Variants in GPHN observed in about 807,000 individuals in gnomAD.
The protein encoded by GPHN is gephyrin.
In GPHN, 17 loss-of-function variants were observed where a neutral mutation model predicts 95.5. That is an observed-to-expected ratio of 0.18 (90% CI 0.12 to 0.27). The LOEUF (loss-of-function observed/expected upper bound fraction) is 0.27. GPHN is among the 10% of genes least tolerant of loss of function. GPHN has a pLI of 1.00. For missense variants in GPHN, 660 were observed against 978.1 expected, an observed-to-expected ratio of 0.67 and a Z score of 4.34; for synonymous variants, 320 against 322.5, an observed-to-expected ratio of 0.99 and a Z score of 0.08.
intron 1 of GPHN, among the ~76,000 whole-genome samples, chr14:66,515,536 A>G (rs2058206162): frequency 5.9e-5 from 9 of 152,182 alleles, no homozygotes; most frequent in Admixed American, 5.2e-4. Context: ...ATGAAATTTG[A>G]TATCTAAAAA....
intron 5 of GPHN, among the ~76,000 whole-genome samples, chr14:66,908,874 A>T (rs2065526117): frequency 6.6e-6 from 1 of 151,760 alleles, no homozygotes; most frequent in Non-Finnish European, 1.5e-5. Context: ...ACCAGCACTT[A>T]CCAAAGCTAT....
chr14:66,571,686 C>T (rs1331720270), intron 1 of GPHN, among the ~76,000 whole-genome samples: 1 of 152,072 alleles, frequency 6.6e-6, no homozygotes, highest in Non-Finnish European at 1.5e-5. Flanking sequence ...TGGCAGGCAC[C>T]TCTAATTTCA....
At chr14:67,223,972 G>A in the GPHN span, 11 of 984,668 alleles carry the variant, frequency 1.1e-5, no homozygotes, top group Admixed American at 6.2e-5. Context: ...TATTATAGGC[G>A]GAAATCAGAA....
At chr14:67,065,470 T>G (rs2076008578) in intron 11 of GPHN, among the ~76,000 whole-genome samples, 1 of 152,216 alleles carries the variant, frequency 6.6e-6, no homozygotes, top group Non-Finnish European at 1.5e-5. Flanking sequence ...AGAGCTGAGT[T>G]TGAGTCCTGG....
chr14:67,595,880 G>A, the GPHN span, among the ~76,000 whole-genome samples: 2 of 152,126 alleles, frequency 1.3e-5, no homozygotes, highest in African/African-American at 2.4e-5. Flanking sequence ...CGTGAACTCT[G>A]GAGCCCTCCT....
the GPHN span, among the ~76,000 whole-genome samples, chr14:67,438,860 C>CAA: frequency 2.7e-3 from 148 of 55,042 alleles, no homozygotes; most frequent in Non-Finnish European, 4.3e-3. Flanking sequence ...GACTCCGTCT[C>CAA]AAAAAAAAAA....
chr14:66,809,467 A>G (rs928767714), intron 3 of GPHN, among the ~76,000 whole-genome samples: 1 of 152,198 alleles, frequency 6.6e-6, no homozygotes, highest in African/African-American at 2.4e-5. Flanking sequence ...GTGTGATATG[A>G]TTCAAATAGA....
the GPHN span, among the ~76,000 whole-genome samples, chr14:67,327,750 T>G: frequency 6.6e-6 from 1 of 152,198 alleles, no homozygotes; most frequent in African/African-American, 2.4e-5. Flanking sequence ...TTTGGTTTTC[T>G]GTCCTTGTGA....
chr14:67,629,930 C>T, the GPHN span, among the ~76,000 whole-genome samples: 1 of 152,098 alleles, frequency 6.6e-6, no homozygotes, highest in East Asian at 1.9e-4. Flanking sequence ...ATTTGTAAGA[C>T]AAAAATATAA....
the GPHN span, among the ~76,000 whole-genome samples, chr14:67,534,224 A>G: frequency 6.6e-6 from 1 of 152,144 alleles, no homozygotes; most frequent in Non-Finnish European, 1.5e-5. Flanking sequence ...GAACATCGGT[A>G]TTAGTGTTTC....
chr14:67,208,571 T>A, the GPHN span: 1 of 1,052,920 alleles, frequency 9.5e-7, no homozygotes, highest in Non-Finnish European at 1.3e-6. Context: ...AGATGTAGTG[T>A]AACTGAATGA....
intron 4 of GPHN, among the ~76,000 whole-genome samples, chr14:66,827,441 C>T (rs187900141): frequency 5.5e-4 from 84 of 152,206 alleles, no homozygotes; most frequent in African/African-American, 1.9e-3. Flanking sequence ...TATCTTATAC[C>T]TTAATAGACT....
chr14:67,392,264 A>G, the GPHN span: 1 of 1,115,968 alleles, frequency 9.0e-7, no homozygotes, highest in East Asian at 2.3e-5. Context: ...TTCTGGGCTC[A>G]CTGCTCCCTC....
chr14:67,502,286 G>A, the GPHN span, among the ~76,000 whole-genome samples: 4 of 151,536 alleles, frequency 2.6e-5, no homozygotes, highest in African/African-American at 7.3e-5. Flanking sequence ...AGCCGAGATC[G>A]TGCCATTGTA....
chr14:66,906,225 C>A (rs535796149), intron 5 of GPHN, among the ~76,000 whole-genome samples: 35 of 152,308 alleles, frequency 2.3e-4, no homozygotes, highest in African/African-American at 7.5e-4. Context: ...GATTTAGCAT[C>A]TCCTTTGGCT....
At chr14:67,079,805 A>G (rs2076620984) in intron 11 of GPHN, among the ~76,000 whole-genome samples, 1 of 151,990 alleles carries the variant, frequency 6.6e-6, no homozygotes, top group South Asian at 2.1e-4. Flanking sequence ...TTTTTCTATT[A>G]ATTTGACTAC....
At chr14:67,401,962 C>T in the GPHN span, among the ~76,000 whole-genome samples, 2 of 152,108 alleles carry the variant, frequency 1.3e-5, no homozygotes, top group Non-Finnish European at 2.9e-5. Flanking sequence ...GAAACCCTGT[C>T]TCTGCTAAAA....
the GPHN span, among the ~76,000 whole-genome samples, chr14:67,274,215 G>T: frequency 3.9e-5 from 6 of 152,242 alleles, no homozygotes; most frequent in South Asian, 1.2e-3. Context: ...TGTCCTGAAT[G>T]GTATTGCCTA....
chr14:66,926,033 A>T lies in GPHN; in HGVS notation c.828+1741A>T, dbSNP rs145903951. 5.9e-5 allele frequency among the ~76,000 whole-genome samples: 9 copies of T among 152,278 alleles called. No homozygotes were observed. The South Asian group carries it at 1.0e-3, about 18-fold the overall frequency. On this transcript the variant is annotated intron_variant, in intron 8 of 22. Transcript: ENST00000478722. ...TGAGCACCTTTTCACATACTTGTTT[A>T]CCATTTGTATGTCTTCCCTTGAGAC... is the stretch of plus-strand genomic sequence containing the variant.
Sources: allele counts gnomAD v4.1 joint callset (sites outside exome capture counted in the v4.1 genomes callset), GRCh38; gene constraint gnomAD v4.1.1; transcripts MANE v1.5; gene names NCBI Gene and HGNC (gene_info 2026-07-23, HGNC 2026-07-21).